CHL1: variants seen among roughly 807,000 people sequenced by gnomAD.
CHL1 encodes cell adhesion molecule L1 like.
In CHL1, 96 loss-of-function variants were observed where a neutral mutation model predicts 141.9. The observed-to-expected ratio is 0.68, with a 90% CI of 0.57 to 0.80. CHL1 has a LOEUF of 0.80. CHL1 is among the 30% of genes least tolerant of loss of function. The probability of loss-of-function intolerance (pLI) is 0.00; values close to 1 mark genes in which losing one functional copy is unlikely to be tolerated. For missense variants in CHL1, 1,820 were observed against 1,457.2 expected (o/e 1.25, Z -4.05); for synonymous variants, 613 against 502.2 (o/e 1.22, Z -2.95).
At chr3:198,459 C>T (rs940591925) in intron 1 of CHL1, among the ~76,000 whole-genome samples, 1 of 152,174 alleles carries the variant, frequency 6.6e-6, no homozygotes, top group Admixed American at 6.5e-5. Context: ...CCCGGGACGC[C>T]CACGTGGCTT....
intron 1 of CHL1, among the ~76,000 whole-genome samples, chr3:230,907 T>C (rs1375292634): frequency 1.3e-5 from 2 of 152,160 alleles, no homozygotes; most frequent in Non-Finnish European, 2.9e-5. Flanking sequence ...ACTGTTGTTA[T>C]TGTGTTTGAT....
intron 2 of CHL1, among the ~76,000 whole-genome samples, chr3:272,249 A>G (rs116823429): frequency 1.8e-4 from 27 of 152,070 alleles, no homozygotes; most frequent in African/African-American, 5.8e-4. Context: ...TGGGGTGCCT[A>G]CTCTGTGCAG....
chr3:314,163 C>T (rs115206110), intron 2 of CHL1, among the ~76,000 whole-genome samples: 1 of 151,330 alleles, frequency 6.6e-6, no homozygotes, highest in Non-Finnish European at 1.5e-5. Flanking sequence ...TAAAGAATCT[C>T]CTTACTGCTG....
rs114948521 is a variant in CHL1 at position 362,886 on chromosome 3, G to C, written c.1419-331G>C. Among the ~76,000 whole-genome samples the C allele has an allele frequency of 2.4e-3, 363 of 152,222 alleles. 1 individual carries two copies. Among genetic ancestry groups the C allele is most frequent in the African/African-American group, 8.1e-3 (335 of 41,536 alleles). ...ACTAGCTTTCCCATTTAGTACCCTGGAGCAATCATTAACTAAAGAGTTCAC... is the reference window on the plus strand; with the variant it reads ...ACTAGCTTTCCCATTTAGTACCCTGCAGCAATCATTAACTAAAGAGTTCAC... On this transcript the variant is annotated intron_variant, in intron 13 of 27. Transcript: ENST00000256509.
chr3:389,130 A>C (rs1708019201), intron 19 of CHL1, 122 bp from the exon 20 acceptor site: 3 of 779,236 alleles, frequency 3.8e-6, no homozygotes, highest in Non-Finnish European at 6.2e-6. Context: ...AGGGGGATTT[A>C]AGATCTCTCA....
intron 16 of CHL1, among the ~76,000 whole-genome samples, chr3:381,047 G>T (rs532093096): frequency 6.6e-6 from 1 of 152,240 alleles, no homozygotes; most frequent in East Asian, 1.9e-4. Flanking sequence ...CAAGGAACTT[G>T]TTTGCAAATG....
chr3:267,561 C>CAAAAAAAA (rs1179191636), intron 2 of CHL1, among the ~76,000 whole-genome samples: 3 of 149,294 alleles, frequency 2.0e-5, no homozygotes, highest in Non-Finnish European at 4.5e-5. Flanking sequence ...AAACTAAAAC[C>CAAAAAAAA]AAAAGCAAAA....
intron 1 of CHL1, among the ~76,000 whole-genome samples, chr3:209,817 A>G (rs930329101): frequency 3.3e-5 from 5 of 152,234 alleles, no homozygotes; most frequent in Non-Finnish European, 5.9e-5. Context: ...TTTTACAAGC[A>G]ATGCACTAAT....
At chr3:337,695 C>G (rs1402881983) in intron 5 of CHL1, among the ~76,000 whole-genome samples, 1 of 152,096 alleles carries the variant, frequency 6.6e-6, no homozygotes, top group South Asian at 2.1e-4. Context: ...AGGACATGAA[C>G]TCATCATTTT....
chr3:342,744 T>C (rs1158721235), intron 7 of CHL1, among the ~76,000 whole-genome samples: 1 of 152,170 alleles, frequency 6.6e-6, no homozygotes, highest in East Asian at 1.9e-4. Flanking sequence ...AACATTCTTC[T>C]AGTAGCCTCA....
chr3:270,524 A>G (rs1695547387), intron 2 of CHL1, among the ~76,000 whole-genome samples: 1 of 152,192 alleles, frequency 6.6e-6, no homozygotes, highest in South Asian at 2.1e-4. Context: ...ATCCGGGTGC[A>G]AAAGAATGAG....
intron 1 of CHL1, among the ~76,000 whole-genome samples, chr3:204,392 CCTT>C (rs1036172630): frequency 6.6e-6 from 1 of 152,190 alleles, no homozygotes; most frequent in African/African-American, 2.4e-5. Flanking sequence ...GAGGAAGTAT[CCTT>C]CTTCTTTGTT....
At chr3:238,898 A>G (rs962595175) in intron 1 of CHL1, among the ~76,000 whole-genome samples, 4 of 152,022 alleles carry the variant, frequency 2.6e-5, no homozygotes, top group African/African-American at 7.2e-5. Flanking sequence ...GCGCCATTGC[A>G]CTCCAGCCTG....
At chr3:219,640 A>T (rs1157081227) in intron 1 of CHL1, among the ~76,000 whole-genome samples, 1 of 152,206 alleles carries the variant, frequency 6.6e-6, no homozygotes, top group Admixed American at 6.5e-5. Context: ...GTGGAAGCTA[A>T]GTGATGAGAA....
At chr3:392,274 G>GGT (rs2125450221) in intron 23 of CHL1, among the ~76,000 whole-genome samples, 1 of 152,334 alleles carries the variant, frequency 6.6e-6, no homozygotes, top group African/African-American at 2.4e-5. Flanking sequence ...TCAAAGCATA[G>GGT]GTACCTTCCA....
At chr3:362,380 C>T (rs1453793040) in intron 13 of CHL1, among the ~76,000 whole-genome samples, 1 of 152,006 alleles carries the variant, frequency 6.6e-6, no homozygotes, top group Non-Finnish European at 1.5e-5. Context: ...ATGAGTGACC[C>T]CAGGTCATAA....
intron 2 of CHL1, among the ~76,000 whole-genome samples, chr3:275,997 A>C (rs145872773): frequency 3.3e-4 from 50 of 152,170 alleles, no homozygotes; most frequent in African/African-American, 1.1e-3. Flanking sequence ...TTGAATGTTT[A>C]AGAAGGTAAT....
rs1160810702 is a variant in CHL1, at chr3:389,454, C to T, written c.2450C>T (p.Thr817Ile). The change falls in exon 20 of 28, where the codon ACT (threonine) becomes ATT (isoleucine). Residue 817 changes from threonine to isoleucine, a missense_variant. Transcript: ENST00000256509. The stretch of plus-strand genomic sequence containing the variant: ...TCTGGGCCTGACCCTCAGTCAGTGA[C>T]TCTCTATTCTGGAGAAGACTGTAAG... ...LGSGPDPQSV[T>I]LYSGEDYPDT... 6.2e-7 allele frequency: 1 copy of T among 1,614,062 alleles called. No homozygotes were observed.
At chr3:382,844 T>C (rs1180361141) in intron 18 of CHL1, 173 bp downstream of exon 18, 1 of 611,340 alleles carries the variant, frequency 1.6e-6, no homozygotes. Context: ...TTCAGAAGTG[T>C]TACATACGAG....
Sources: allele counts gnomAD v4.1 joint callset (sites outside exome capture counted in the v4.1 genomes callset), GRCh38; gene constraint gnomAD v4.1.1; transcripts MANE v1.5; gene names NCBI Gene and HGNC (gene_info 2026-07-23, HGNC 2026-07-21).